The following DEPTOR variants were observed in gnomAD, a reference collection of about 807,000 sequenced individuals.
DEPTOR encodes DEP domain-containing mTOR-interacting protein.
A neutral mutation model predicts 41.6 loss-of-function variants in DEPTOR; 41 were observed. The observed-to-expected ratio is 0.98, with a 90% CI of 0.77 to 1.28. DEPTOR has a LOEUF of 1.28. Ranked by LOEUF, DEPTOR falls within the 50% of genes most tolerant of loss-of-function variation. The pLI is 0.00. For missense variants in DEPTOR, 514 were observed against 527.9 expected (o/e 0.97, Z 0.26); for synonymous variants, 195 against 192.3 (o/e 1.01, Z -0.12).
chr8:119,967,495 G>A (rs770103129), intron 4 of DEPTOR, among the ~76,000 whole-genome samples: 17 of 151,734 alleles, frequency 1.1e-4, no homozygotes, highest in Non-Finnish European at 2.2e-4. Flanking sequence ...AAGATTTTAT[G>A]TAATCCCAGC....
intron 2 of DEPTOR, 112 bp downstream of exon 2, chr8:119,928,690 A>C (rs192306007): frequency 8.9e-7 from 1 of 1,126,614 alleles, no homozygotes; most frequent in Non-Finnish European, 1.2e-6. Flanking sequence ...TCTCCAGTGT[A>C]CCTCTCCCTG....
chr8:119,956,209 A>G (rs1828415141), intron 3 of DEPTOR, among the ~76,000 whole-genome samples: 1 of 152,248 alleles, frequency 6.6e-6, no homozygotes, highest in Admixed American at 6.5e-5. Context: ...TAGTAAGTCA[A>G]ACTCTTGCTT....
chr8:120,029,101 G>A (rs1055208363), intron 8 of DEPTOR, among the ~76,000 whole-genome samples: 6 of 151,512 alleles, frequency 4.0e-5, no homozygotes, highest in African/African-American at 1.5e-4. Flanking sequence ...TATTGCTCAT[G>A]CACTCATCTT....
chr8:120,020,638 A>C (rs767129947), intron 8 of DEPTOR, among the ~76,000 whole-genome samples: 1 of 152,208 alleles, frequency 6.6e-6, no homozygotes, highest in Admixed American at 6.5e-5. Context: ...TGTGACTGGC[A>C]GGAGGGCTGC....
intron 3 of DEPTOR, among the ~76,000 whole-genome samples, chr8:119,963,573 A>G (rs1408646135): frequency 2.0e-5 from 3 of 151,996 alleles, no homozygotes; most frequent in Non-Finnish European, 4.4e-5. Flanking sequence ...CTAATCTCAA[A>G]CCCCTGACCT....
At chr8:119,946,144 G>A (rs115468462) in intron 3 of DEPTOR, among the ~76,000 whole-genome samples, 1,890 of 152,046 alleles carry the variant, frequency 0.012, 40 homozygotes, top group African/African-American at 0.043. Context: ...ACAGAGCTTC[G>A]GAGGGAAAAC....
chr8:119,908,226 C>G (rs1827691728), intron 1 of DEPTOR, among the ~76,000 whole-genome samples: 1 of 152,080 alleles, frequency 6.6e-6, no homozygotes, highest in Non-Finnish European at 1.5e-5. Flanking sequence ...TCTGTGTCCC[C>G]CTTTCTATAC....
At chr8:119,945,416 A>G (rs926255593) in intron 3 of DEPTOR, among the ~76,000 whole-genome samples, 4 of 152,150 alleles carry the variant, frequency 2.6e-5, no homozygotes, top group African/African-American at 7.2e-5. Context: ...TATTTTTTAC[A>G]TATTAGTTCA....
At chr8:119,977,722 CCTTAA>C (rs1334605042) in intron 4 of DEPTOR, among the ~76,000 whole-genome samples, 5 of 152,100 alleles carry the variant, frequency 3.3e-5, no homozygotes, top group Non-Finnish European at 7.4e-5. Context: ...CGGCATCAAG[CCTTAA>C]CTTTTCAGAA....
rs562994264 is a variant in DEPTOR at position 120,026,348 on chromosome 8, A to AT, written c.1101+17226dup. Among the ~76,000 whole-genome samples, 37 of 138,004 alleles carry AT rather than the reference A, an allele frequency of 2.7e-4. No homozygotes were observed. In the South Asian group the frequency reaches 3.0e-3, roughly 11 times the overall value. The allele number at this position is 138,004 out of a possible 152,430, so 90.5% of individuals were successfully genotyped here. On this transcript the variant is annotated intron_variant, in intron 8 of 8. Transcript: ENST00000286234. ...GGGGGCAGAGAACTCAAGTATTCTA[A>AT]TTTTTTTTTTTGAGATGGAGTTTTG...
At chr8:119,992,288 AT>A (rs1812185384) in intron 4 of DEPTOR, among the ~76,000 whole-genome samples, 1 of 152,174 alleles carries the variant, frequency 6.6e-6, no homozygotes, top group Non-Finnish European at 1.5e-5. Context: ...TGAGGGTCTT[AT>A]GTCTTTAAGG....
intron 8 of DEPTOR, among the ~76,000 whole-genome samples, chr8:120,038,172 G>A (rs1174230723): frequency 1.3e-5 from 2 of 151,710 alleles, no homozygotes; most frequent in Non-Finnish European, 2.9e-5. Context: ...GGGAGGCTGA[G>A]GCACGAGAAT....
At chr8:120,004,662 A>C (rs1812405917) in intron 6 of DEPTOR, among the ~76,000 whole-genome samples, 1 of 152,104 alleles carries the variant, frequency 6.6e-6, no homozygotes, top group African/African-American at 2.4e-5. Context: ...CAAAGGGAAG[A>C]GTTTACTGTT....
intron 4 of DEPTOR, among the ~76,000 whole-genome samples, chr8:119,980,608 C>A (rs1373883384): frequency 6.6e-6 from 1 of 151,330 alleles, no homozygotes; most frequent in African/African-American, 2.4e-5. Context: ...ACCTCCGCCT[C>A]CTGTGTTCAA....
At chr8:119,918,938 A>AGT (rs751715374) in intron 1 of DEPTOR, among the ~76,000 whole-genome samples, 1,442 of 133,510 alleles carry the variant, frequency 0.011, 14 homozygotes, top group East Asian at 0.043. Flanking sequence ...TTGCATAGTG[A>AGT]GTGTGTGTGT....
chr8:119,943,277 G>A (rs553819353), intron 3 of DEPTOR, among the ~76,000 whole-genome samples: 1 of 152,278 alleles, frequency 6.6e-6, no homozygotes, highest in East Asian at 1.9e-4. Flanking sequence ...CCGCTGTAAC[G>A]AACTGCCAGA....
chr8:119,903,479 G>T (rs558198056), intron 1 of DEPTOR, among the ~76,000 whole-genome samples: 100 of 152,258 alleles, frequency 6.6e-4, no homozygotes, highest in African/African-American at 2.3e-3. Context: ...CTCAAACCTT[G>T]CATGGTTGAT....
intron 8 of DEPTOR, among the ~76,000 whole-genome samples, chr8:120,034,948 G>A (rs1316976070): frequency 6.6e-6 from 1 of 152,152 alleles, no homozygotes; most frequent in Non-Finnish European, 1.5e-5. Flanking sequence ...TTTGAGATCA[G>A]GGAGGAAGTT....
intron 8 of DEPTOR, among the ~76,000 whole-genome samples, chr8:120,021,131 G>A (rs1812706826): frequency 2.0e-5 from 1 of 50,914 alleles, no homozygotes; most frequent in Non-Finnish European, 4.2e-5. Flanking sequence ...TGTGGGCCAG[G>A]TGCGGTGGCT....
Sources: allele counts gnomAD v4.1 joint callset (sites outside exome capture counted in the v4.1 genomes callset), GRCh38; gene constraint gnomAD v4.1.1; transcripts MANE v1.5; gene names NCBI Gene and HGNC (gene_info 2026-07-23, HGNC 2026-07-21).